Variants in PIGL observed in about 807,000 individuals in gnomAD.
PIGL encodes the protein phosphatidylinositol glycan anchor biosynthesis class L.
In PIGL, 22 loss-of-function variants were observed where a neutral mutation model predicts 31.1. The observed-to-expected ratio is 0.71, with a 90% CI of 0.51 to 1.01. The LOEUF (loss-of-function observed/expected upper bound fraction) is 1.01, where lower values mean the gene tolerates loss of function less well. PIGL is among the 50% of genes least tolerant of loss of function. The pLI is 0.00. For missense variants in PIGL, 302 were observed against 315.9 expected, an observed-to-expected ratio of 0.96 and a Z score of 0.33; for synonymous variants, 131 against 117.4, an observed-to-expected ratio of 1.12 and a Z score of -0.75.
intron 2 of PIGL, among the ~76,000 whole-genome samples, chr17:16,234,384 T>G (rs1285661118): frequency 1.3e-5 from 2 of 151,808 alleles, no homozygotes; most frequent in African/African-American, 4.8e-5. Flanking sequence ...GAGTTGGAGG[T>G]TGCAGTGAGC....
chr17:16,258,942 G>A (rs2092808539), intron 2 of PIGL, among the ~76,000 whole-genome samples: 1 of 152,196 alleles, frequency 6.6e-6, no homozygotes, highest in African/African-American at 2.4e-5. Context: ...AATAATGTTA[G>A]TGTCCAGAAG....
chr17:16,317,860 G>T lies in PIGL; in HGVS notation c.612G>T (p.Thr204=), dbSNP rs769627167. 1 of 1,613,884 alleles carries T rather than the reference G, an allele frequency of 6.2e-7. No homozygotes were observed. Among genetic ancestry groups the T allele is most frequent in the African/African-American group, 1.3e-5 (1 of 74,916 alleles). Residue 204 remains threonine (T), a synonymous_variant, in exon 6 of 7, where the codon ACG becomes ACT. Coordinates refer to ENST00000225609, the MANE Select transcript of PIGL (RefSeq NM_004278.4). ...ATCTGCCCTTGTCTCTGCTTCATAC[G>T]CAGGATGTCCTCTTCGTGCTCAACA... ...LLDLPLSLLH[T]QDVLFVLNSK...
chr17:16,247,491 G>A (rs954470656), intron 2 of PIGL, among the ~76,000 whole-genome samples: 4 of 152,296 alleles, frequency 2.6e-5, no homozygotes, highest in Admixed American at 2.6e-4. Context: ...TTCCAAAAGG[G>A]AGAAATGGGT....
chr17:16,229,448 G>C (rs144194779), intron 1 of PIGL, among the ~76,000 whole-genome samples: 1 of 146,718 alleles, frequency 6.8e-6, no homozygotes, highest in African/African-American at 2.5e-5. Flanking sequence ...TATGAACATT[G>C]GTGTACAAGT....
intron 2 of PIGL, among the ~76,000 whole-genome samples, chr17:16,295,789 A>T (rs1182513381): frequency 6.6e-6 from 1 of 151,428 alleles, no homozygotes; most frequent in Middle Eastern, 3.5e-3. Flanking sequence ...TAAAAATACA[A>T]AATTAGCTGG....
At chr17:16,245,052 G>A (rs1055359909) in intron 2 of PIGL, among the ~76,000 whole-genome samples, 1 of 151,816 alleles carries the variant, frequency 6.6e-6, no homozygotes, top group Non-Finnish European at 1.5e-5. Context: ...GAGTGTAATG[G>A]TGCAATCTCG....
chr17:16,320,883 C>G, intron 6 of PIGL, among the ~76,000 whole-genome samples: 1 of 151,604 alleles, frequency 6.6e-6, no homozygotes, highest in East Asian at 1.9e-4. Flanking sequence ...GATCTACCCA[C>G]CTCGGCCTCC....
chr17:16,250,008 A>T (rs1279644056), intron 2 of PIGL, among the ~76,000 whole-genome samples: 1 of 152,192 alleles, frequency 6.6e-6, no homozygotes, highest in African/African-American at 2.4e-5. Context: ...GTGCAGTGAC[A>T]TGATTTTGGC....
intron 6 of PIGL, among the ~76,000 whole-genome samples, chr17:16,323,509 C>T (rs1352727152): frequency 6.6e-5 from 10 of 151,722 alleles, no homozygotes; most frequent in Admixed American, 3.3e-4. Flanking sequence ...GGTGAGATTA[C>T]GGGTGTGGGC....
At chr17:16,317,671 G>C (rs2093083770) in intron 5 of PIGL, 104 bp from the exon 6 acceptor site, 9 of 1,567,700 alleles carry the variant, frequency 5.7e-6, no homozygotes, top group Admixed American at 5.2e-5. Flanking sequence ...TGTGGCCACT[G>C]TCCTGCCCTG....
chr17:16,252,066 C>CTTTTTTTTTTTTTTTTTTTTTTTTT (rs66540057), intron 2 of PIGL, among the ~76,000 whole-genome samples: 1 of 123,836 alleles, frequency 8.1e-6, no homozygotes, highest in African/African-American at 4.2e-5. Flanking sequence ...TTTTTTTTTC[C>CTTTTTTTTTTTTTTTTTTTTTTTTT]TTTTTTTTTT....
At chr17:16,263,585 C>T (rs990151917) in intron 2 of PIGL, among the ~76,000 whole-genome samples, 4 of 151,708 alleles carry the variant, frequency 2.6e-5, no homozygotes, top group Admixed American at 1.3e-4. Context: ...AGTGCAGTGG[C>T]GTGATCTCGG....
At chr17:16,292,032 CTT>C (rs35568368) in intron 2 of PIGL, among the ~76,000 whole-genome samples, 7 of 122,252 alleles carry the variant, frequency 5.7e-5, no homozygotes, top group Non-Finnish European at 3.5e-5. Flanking sequence ...TAATGGAGCT[CTT>C]TTTTTTTTTT....
intron 1 of PIGL, 147 bp downstream of exon 1, chr17:16,217,608 A>G (rs1490263880): frequency 2.2e-5 from 14 of 626,738 alleles, no homozygotes; most frequent in African/African-American, 2.2e-4. Flanking sequence ...CTCACAGCCT[A>G]GGGACAGGAG....
intron 1 of PIGL, 64 bp downstream of exon 1, chr17:16,217,525 T>G: frequency 2.3e-6 from 3 of 1,298,612 alleles, no homozygotes; most frequent in Non-Finnish European, 3.3e-6. Flanking sequence ...TGCTAACCGA[T>G]CTCAGTCGCC....
chr17:16,217,577 G>A, intron 1 of PIGL, 116 bp downstream of exon 1: 1 of 813,988 alleles, frequency 1.2e-6, no homozygotes, highest in Non-Finnish European at 2.0e-6. Context: ...TGAATACACC[G>A]AAGGTCTTAC....
At chr17:16,232,141 G>C (rs895608959) in intron 1 of PIGL, among the ~76,000 whole-genome samples, 5 of 152,058 alleles carry the variant, frequency 3.3e-5, no homozygotes, top group Non-Finnish European at 5.9e-5. Flanking sequence ...AGCCAGGCGT[G>C]GTGGTGGGCA....
At chr17:16,220,206 G>A (rs931937034) in intron 1 of PIGL, among the ~76,000 whole-genome samples, 4 of 151,870 alleles carry the variant, frequency 2.6e-5, no homozygotes, top group African/African-American at 9.7e-5. Context: ...AAATTAGCTG[G>A]CTGTGGTGGT....
In PIGL at chr17:16,266,718, C is replaced by A. The variant is rs367592398; in HGVS notation, c.335+32648C>A. On this transcript the variant is annotated intron_variant, in intron 2 of 6. Transcript: ENST00000225609. ...TCATGCCATTCTCCTGCCTCAGCCT[C>A]CTGAGTAGCTGGGAATACAGGCGCC... Among the ~76,000 whole-genome samples the A allele has an allele frequency of 5.3e-5, 8 of 152,126 alleles. No individual in the cohort carries two copies. In the East Asian group the frequency reaches 9.8e-4, roughly 19 times the overall value.
Sources: gnomAD v4.1 joint callset for allele counts (sites outside exome capture counted in the v4.1 genomes callset) on GRCh38, gnomAD v4.1.1 for gene constraint, MANE v1.5 for transcripts, NCBI Gene and HGNC (gene_info 2026-07-23, HGNC 2026-07-21) for gene names.